Variants in NLRC3 observed in about 807,000 individuals in gnomAD.
NLRC3 encodes the protein NLR family CARD domain-containing protein 3.
A neutral mutation model predicts 91.6 loss-of-function variants in NLRC3; 87 were observed. That is an observed-to-expected ratio of 0.95 (90% CI 0.80 to 1.14). NLRC3 has a LOEUF of 1.14. NLRC3 is among the 50% of genes most tolerant of loss of function. The probability of loss-of-function intolerance (pLI) is 0.00; values close to 1 mark genes in which losing one functional copy is unlikely to be tolerated. For synonymous variants in NLRC3, 694 were observed against 625.3 expected (o/e 1.11, Z -1.64); for missense variants, 1,577 against 1,418.6 (o/e 1.11, Z -1.79).
In NLRC3 at chr16:3,541,413, G is replaced by A. The variant is rs943421945; in HGVS notation, c.*412C>T. On this transcript the variant is annotated 3_prime_UTR_variant, in exon 20 of 20. Coordinates refer to ENST00000359128, the MANE Select transcript of NLRC3 (RefSeq NM_178844.4). The stretch of plus-strand genomic sequence containing the variant: ...AAACGGATGCTCCTCACGGGCTTGA[G>A]GTGGCAGCTCATCTCAGAGCATGGG... The A allele has an allele frequency of 6.0e-6, 1 of 165,590 alleles. No individual in the cohort carries two copies. Among genetic ancestry groups the A allele is most frequent in the Non-Finnish European group, 1.3e-5 (1 of 76,832 alleles). The allele number at this position is 165,590 out of a possible 1,614,324, so 10.3% of individuals were successfully genotyped here.
Position 3,548,661 on chromosome 16 carries a change from C to A in NLRC3, c.2687+9G>T, listed in dbSNP as rs2038826975. Reference sequence around the variant, plus strand: ...GGGAACAGAGCAGGGTGGAGAGCTGCAGACTCACTGAAGGGAGGTGAGGGT... The same window carrying A: ...GGGAACAGAGCAGGGTGGAGAGCTGAAGACTCACTGAAGGGAGGTGAGGGT... On this transcript the variant is annotated intron_variant, in intron 14 of 19. Coordinates refer to ENST00000359128, the MANE Select transcript of NLRC3 (RefSeq NM_178844.4). 1 of 1,561,930 alleles carries A rather than the reference C, an allele frequency of 6.4e-7. No individual in the cohort carries two copies. Among genetic ancestry groups the A allele is most frequent in the Admixed American group, 1.9e-5 (1 of 53,762 alleles).
chr16:3,563,063 C>T lies in NLRC3; in HGVS notation c.1874G>A (p.Ser625Asn). 3 of 1,563,704 alleles carry T rather than the reference C, an allele frequency of 1.9e-6. No homozygotes were observed. Among genetic ancestry groups the T allele is most frequent in the Middle Eastern group, 1.7e-4 (1 of 5,744 alleles). The change falls in exon 5 of 20, where the codon AGC becomes AAC. Residue 625 changes from serine (S) to asparagine (N), a missense_variant. Ser to Asn is a conservative substitution (Grantham distance 46). Transcript: ENST00000359128. Reference protein sequence around the residue: ...AQEANLSLSLSQGVLQSLLPQ... With the variant: ...AQEANLSLSLNQGVLQSLLPQ... ...CAGCAGGCTCTGAAGGACGCCCTGG[C>T]TGAGGCTCAGGGACAGGTTGGCCTC...
At position 3,543,127 on chromosome 16, in the gene NLRC3, G is replaced by A. The variant is rs2038494935; in HGVS notation, c.2939+298C>T. On this transcript the variant is annotated intron_variant, in intron 17 of 19. Coordinates refer to ENST00000359128, the MANE Select transcript of NLRC3 (RefSeq NM_178844.4). ...GAGGACATGCCTGAGCCTCAGAGCTGTAACCTCACCCCAGGACTTTGGATC... is the reference window on the plus strand; with the variant it reads ...GAGGACATGCCTGAGCCTCAGAGCTATAACCTCACCCCAGGACTTTGGATC... The A allele has an allele frequency of 6.1e-6, 3 of 488,562 alleles. No homozygotes were observed. The Admixed American group carries it at 9.9e-5, about 16-fold the overall frequency. 30.3% of individuals were successfully genotyped at this position (488,562 alleles called of 1,614,324 possible). A position where few individuals can be genotyped will look rare whatever the true frequency, so the allele number is the denominator to read the frequency against.
intron 1 of NLRC3, among the ~76,000 whole-genome samples, chr16:3,570,751 A>G (rs1333226742): frequency 2.0e-5 from 3 of 152,314 alleles, no homozygotes; most frequent in East Asian, 3.8e-4. Context: ...TTGCTGGAAC[A>G]TGGTAAGTGA....
chr16:3,562,537 A>T (rs552160716), intron 5 of NLRC3, among the ~76,000 whole-genome samples: 15 of 152,272 alleles, frequency 9.9e-5, no homozygotes, highest in Admixed American at 4.6e-4. Context: ...GCTACTAGGG[A>T]GGCTGAGGCA....
chr16:3,570,523 T>C (rs1465413796), intron 1 of NLRC3, among the ~76,000 whole-genome samples: 1 of 151,990 alleles, frequency 6.6e-6, no homozygotes, highest in East Asian at 1.9e-4. Flanking sequence ...TTTCTGCTGG[T>C]GGTTAGTGCT....
In NLRC3 at chr16:3,549,173, G is replaced by T; in HGVS notation, c.2572C>A (p.Leu858Ile). Residue 858 changes from leucine to isoleucine, a missense_variant, in exon 13 of 20, where the codon CTC becomes ATC. By Grantham distance (5) the Leu-to-Ile change is conservative. Transcript: ENST00000359128. ...PEGAQAIAHA[L>I]CANSTLKNLD... is the part of the protein sequence containing the mutation. ...TTCTTCAGGGTGCTGTTGGCGCAGA[G>T]GGCATGAGCGATGGCCTGGGCTCCC... 1 of 1,587,122 alleles carries T rather than the reference G, an allele frequency of 6.3e-7. No homozygotes were observed.
At chr16:3,565,084 G>A in intron 3 of NLRC3, 24 bp from the exon 4 acceptor site, 1 of 1,562,990 alleles carries the variant, frequency 6.4e-7, no homozygotes, top group Non-Finnish European at 8.7e-7. Flanking sequence ...GCCTGAACCT[G>A]CTGCCTGCCG....
intron 1 of NLRC3, among the ~76,000 whole-genome samples, chr16:3,572,449 A>C (rs1169881189): frequency 6.6e-6 from 1 of 152,012 alleles, no homozygotes; most frequent in African/African-American, 2.4e-5. Context: ...TACCACATCC[A>C]GCTAATTTTT....
At chr16:3,542,567 T>C in intron 18 of NLRC3, 125 bp downstream of exon 18, 2 of 662,610 alleles carry the variant, frequency 3.0e-6, no homozygotes, top group East Asian at 5.4e-5. Flanking sequence ...CTATAATAAG[T>C]CTGATTGTTT....
chr16:3,563,942 C>T lies in NLRC3; in HGVS notation c.995G>A (p.Cys332Tyr). 1.3e-6 allele frequency: 2 copies of T among 1,593,948 alleles called. No individual in the cohort carries two copies. The highest frequency in any genetic ancestry group is 2.2e-5 in the East Asian group (1 of 44,780). ...GCCTAGCGCCATCCCCGTGAGCCTG[C>T]AGAAGGCTGGGACGGTGCACATCAG... The part of the protein sequence containing the change: ...LYLMCTVPAF[C>Y]RLTGMALGHL... Residue 332 changes from cysteine to tyrosine, a missense_variant, in exon 5 of 20, where the codon TGC becomes TAC. Physicochemically the swap from Cys to Tyr is radical, Grantham distance 194 (BLOSUM62 -2). Coordinates refer to ENST00000359128, the MANE Select transcript of NLRC3 (RefSeq NM_178844.4).
intron 1 of NLRC3, among the ~76,000 whole-genome samples, chr16:3,574,093 T>C (rs891724520): frequency 7.1e-6 from 1 of 140,440 alleles, no homozygotes; most frequent in Non-Finnish European, 1.5e-5. Context: ...CACTATCTCG[T>C]CTCACTGCAA....
At position 3,568,787 on chromosome 16, in the gene NLRC3, G is replaced by A. The variant is rs145813015; in HGVS notation, c.-168-1463C>T. Among the ~76,000 whole-genome samples, 14 of 152,252 alleles carry A rather than the reference G, an allele frequency of 9.2e-5. No individual in the cohort carries two copies. In the East Asian group the frequency reaches 2.5e-3, roughly 27 times the overall value. On this transcript the variant is annotated intron_variant, in intron 1 of 19. Coordinates refer to ENST00000359128, the MANE Select transcript of NLRC3 (RefSeq NM_178844.4). ...GCCTCATGTGTATGGGTCCATGTGG[G>A]TAATTTGAGGTCCTTCTTTAGATCC...
chr16:3,544,159 G>A (rs528332255), intron 16 of NLRC3, 87 bp downstream of exon 16: 18 of 791,218 alleles, frequency 2.3e-5, no homozygotes, highest in African/African-American at 1.7e-4. Flanking sequence ...CTCTTGTCTC[G>A]AGGAAAAAAA....
At chr16:3,556,155 C>T (rs1248195905) in intron 8 of NLRC3, among the ~76,000 whole-genome samples, 1 of 149,278 alleles carries the variant, frequency 6.7e-6, no homozygotes, top group Non-Finnish European at 1.5e-5. Flanking sequence ...ATGGTGAAAG[C>T]TCGTCTCTAC....
intron 10 of NLRC3, among the ~76,000 whole-genome samples, chr16:3,551,085 C>A (rs1012924134): frequency 5.3e-5 from 8 of 151,560 alleles, no homozygotes; most frequent in African/African-American, 2.0e-4. Flanking sequence ...ACTTAGCTAT[C>A]ATTTCGTCTG....
chr16:3,542,593 T>C (rs972277267), intron 18 of NLRC3, 99 bp downstream of exon 18: 2 of 715,334 alleles, frequency 2.8e-6, no homozygotes, highest in African/African-American at 1.8e-5. Flanking sequence ...CAGAAGGAAA[T>C]AGCTACAGAA....
intron 18 of NLRC3, 21 bp downstream of exon 18, chr16:3,542,671 T>C (rs2038468403): frequency 2.0e-6 from 3 of 1,514,340 alleles, no homozygotes; most frequent in African/African-American, 1.4e-5. Context: ...AGGATGCAGG[T>C]AGGTCCCTCC....
At chr16:3,566,151 T>C (rs924247301) in intron 2 of NLRC3, among the ~76,000 whole-genome samples, 9 of 139,232 alleles carry the variant, frequency 6.5e-5, no homozygotes, top group Non-Finnish European at 1.4e-4. Context: ...GTATACACTA[T>C]GGACATTGGG....
Sources: gnomAD v4.1 joint callset for allele counts (sites outside exome capture counted in the v4.1 genomes callset) on GRCh38, gnomAD v4.1.1 for gene constraint, MANE v1.5 for transcripts, NCBI Gene and HGNC (gene_info 2026-07-23, HGNC 2026-07-21) for gene names.